SCG3: variants seen among roughly 807,000 people sequenced by gnomAD.
The protein encoded by SCG3 is secretogranin-3.
SCG3 carries 38 observed loss-of-function variants against 56.2 expected under a neutral mutation model. The observed-to-expected ratio is 0.68, with a 90% CI of 0.52 to 0.89. The LOEUF (loss-of-function observed/expected upper bound fraction) is 0.89. Ranked by LOEUF, SCG3 falls within the 40% of genes least tolerant of loss-of-function variation. The pLI is 0.00. For synonymous variants in SCG3, 176 were observed against 184.2 expected (o/e 0.96, Z 0.36); for missense variants, 524 against 540.7 (o/e 0.97, Z 0.31).
At chr15:51,704,766 T>TACAC (rs200437150) in intron 10 of SCG3, among the ~76,000 whole-genome samples, 1 of 99,936 alleles carries the variant, frequency 1.0e-5, no homozygotes, top group Non-Finnish European at 1.9e-5. Flanking sequence ...GAGTAATACA[T>TACAC]ATATATATAT....
At chr15:51,700,818 A>G (rs890196766) in intron 9 of SCG3, among the ~76,000 whole-genome samples, 2 of 151,704 alleles carry the variant, frequency 1.3e-5, no homozygotes, top group South Asian at 2.1e-4. Flanking sequence ...AGAATGGAAA[A>G]AATACCAAAT....
At chr15:51,709,448 A>T (rs1313805797) in intron 10 of SCG3, among the ~76,000 whole-genome samples, 3 of 151,990 alleles carry the variant, frequency 2.0e-5, no homozygotes, top group Non-Finnish European at 4.4e-5. Flanking sequence ...TTTCTTCATG[A>T]ATAAAATGGG....
intron 5 of SCG3, 114 bp downstream of exon 5, chr15:51,688,516 A>G (rs901113949): frequency 3.4e-6 from 3 of 871,064 alleles, no homozygotes; most frequent in Middle Eastern, 3.3e-4. Flanking sequence ...TCCTTCTACT[A>G]GGACCCGTAG....
rs531538758 is a variant in SCG3, at chr15:51,683,925, A to G, written c.397+491A>G. On this transcript the variant is annotated intron_variant, in intron 4 of 11. Transcript: ENST00000220478. ...CTAACATCCCATATCACTAGGCCAG[A>G]CTTCTCTTAGCTATAGACCTATTTA... Among the ~76,000 whole-genome samples the G allele has an allele frequency of 2.0e-5, 3 of 152,290 alleles. No individual in the cohort carries two copies. The South Asian group carries it at 6.2e-4, about 32-fold the overall frequency.
chr15:51,686,654 C>T (rs558781658), intron 4 of SCG3, among the ~76,000 whole-genome samples: 1 of 149,712 alleles, frequency 6.7e-6, no homozygotes, highest in South Asian at 2.1e-4. Context: ...TCCAAATTTT[C>T]AGCCAGCCAG....
Position 51,696,331 on chromosome 15 carries a change from C to G in SCG3, c.985+340C>G, listed in dbSNP as rs377446169. 6.4e-3 allele frequency among the ~76,000 whole-genome samples: 980 copies of G among 152,264 alleles called. 10 individuals carry two copies. The highest frequency in any genetic ancestry group is 0.02 in the Middle Eastern group (6 of 294). The stretch of plus-strand genomic sequence containing the variant: ...TTGGGAAGCTGAGGCAGGCAGATTG[C>G]CTGAGGCCAAGAGTTCGAGACCAGC... On this transcript the variant is annotated intron_variant, in intron 8 of 11. Coordinates refer to ENST00000220478, the MANE Select transcript of SCG3 (RefSeq NM_013243.4).
intron 11 of SCG3, among the ~76,000 whole-genome samples, chr15:51,717,977 G>C (rs993081231): frequency 1.3e-5 from 2 of 152,202 alleles, no homozygotes; most frequent in East Asian, 1.9e-4. Context: ...TGGATCAAGG[G>C]TGTTATGACC....
intron 7 of SCG3, among the ~76,000 whole-genome samples, chr15:51,692,823 TCTAA>T (rs1200059899): frequency 2.6e-5 from 4 of 152,252 alleles, no homozygotes; most frequent in Admixed American, 6.5e-5. Flanking sequence ...TCACAATGAA[TCTAA>T]CTAGTGTATC....
chr15:51,685,200 T>C (rs74436198), intron 4 of SCG3, among the ~76,000 whole-genome samples: 1 of 152,288 alleles, frequency 6.6e-6, no homozygotes, highest in Non-Finnish European at 1.5e-5. Context: ...ATTTACTTTT[T>C]AAAATCTTGA....
At chr15:51,707,739 T>C (rs1411183917) in intron 10 of SCG3, among the ~76,000 whole-genome samples, 2 of 152,222 alleles carry the variant, frequency 1.3e-5, no homozygotes, top group African/African-American at 4.8e-5. Context: ...ATGTAAAATG[T>C]CATCATTATG....
At position 51,699,389 on chromosome 15, in the gene SCG3, C is replaced by T. The variant is rs376589029; in HGVS notation, c.1056C>T (p.Ser352=). 1 of 1,601,940 alleles carries T rather than the reference C, an allele frequency of 6.2e-7. No homozygotes were observed. Among genetic ancestry groups the T allele is most frequent in the East Asian group, 2.2e-5 (1 of 44,546 alleles). Residue 352 remains serine, a synonymous_variant, in exon 9 of 12, where the codon AGC becomes AGT. Coordinates refer to ENST00000220478, the MANE Select transcript of SCG3 (RefSeq NM_013243.4). The stretch of plus-strand genomic sequence containing the variant: ...AAAAAAATGCTACTGACAATATAAG[C>T]AAGCTTTTCCCAGGTATGATTATTT... The part of the protein sequence containing the change: ...KLEKNATDNI[S]KLFPAPSEKS...
chr15:51,706,774 T>C lies in SCG3; in HGVS notation c.1207+5530T>C, dbSNP rs112390572. Among the ~76,000 whole-genome samples the C allele has an allele frequency of 1.1e-3, 175 of 152,186 alleles. 1 individual carries two copies. The highest frequency in any genetic ancestry group is 3.9e-3 in the African/African-American group (160 of 41,550). On this transcript the variant is annotated intron_variant, in intron 10 of 11. Coordinates refer to ENST00000220478, the MANE Select transcript of SCG3 (RefSeq NM_013243.4). ...TATGAATCTCATTTCAAGCTTAATG[T>C]AAAAAACAGCCAACTTCATTACCAA...
At chr15:51,706,583 T>G (rs758023211) in intron 10 of SCG3, among the ~76,000 whole-genome samples, 21 of 152,154 alleles carry the variant, frequency 1.4e-4, no homozygotes, top group Non-Finnish European at 2.2e-4. Flanking sequence ...GGAGTCTGTT[T>G]TGGCCTTGCG....
In SCG3 at chr15:51,683,076, C is replaced by T. The variant is rs1338599674; in HGVS notation, c.136-3C>T. The T allele has an allele frequency of 6.2e-7, 1 of 1,608,090 alleles. No individual in the cohort carries two copies. Among genetic ancestry groups the T allele is most frequent in the African/African-American group, 1.3e-5 (1 of 74,416 alleles). Reference sequence around the variant, plus strand: ...CCAAGTCTATCTCCTGTTTGCTTCACAGATTGCTGAAGCAGAAGAAGACAA... The same window carrying T: ...CCAAGTCTATCTCCTGTTTGCTTCATAGATTGCTGAAGCAGAAGAAGACAA... On this transcript the variant is annotated splice_region_variant and splice_polypyrimidine_tract_variant and intron_variant, in intron 2 of 11. Transcript: ENST00000220478.
chr15:51,691,808 C>CA (rs2055268594), intron 6 of SCG3, among the ~76,000 whole-genome samples: 1 of 152,140 alleles, frequency 6.6e-6, no homozygotes, highest in South Asian at 2.1e-4. Flanking sequence ...TCTGTGAACT[C>CA]AAAGCTTCCC....
In SCG3 at chr15:51,682,383, T is replaced by C. The variant is rs1471234012; in HGVS notation, c.83-134T>C. 5.8e-6 allele frequency: 3 copies of C among 519,074 alleles called. No individual in the cohort carries two copies. In the African/African-American group the frequency reaches 6.1e-5, roughly 11 times the overall value. 32.2% of individuals were successfully genotyped at this position (519,074 alleles called of 1,614,324 possible). ...GTATAATCTTGATAATCTTTGTTAA[T>C]ATGCATTTGTTTCATAGTCATCCAA... On this transcript the variant is annotated intron_variant, in intron 1 of 11. Coordinates refer to ENST00000220478, the MANE Select transcript of SCG3 (RefSeq NM_013243.4).
intron 10 of SCG3, among the ~76,000 whole-genome samples, chr15:51,709,680 TATATATATATATATATATA>T (rs2055400536): frequency 7.8e-5 from 1 of 12,772 alleles, no homozygotes; most frequent in Non-Finnish European, 2.0e-4. Flanking sequence ...TATATATATA[TATATATATATATATATATA>T]TATTTTTTTT....
chr15:51,713,494 A>G (rs1044109118), intron 11 of SCG3, 81 bp downstream of exon 11: 2 of 936,246 alleles, frequency 2.1e-6, no homozygotes, highest in Admixed American at 2.6e-5. Context: ...CCACAGTCAA[A>G]TTGACTGTGC....
intron 4 of SCG3, among the ~76,000 whole-genome samples, chr15:51,686,190 T>C (rs2055227541): frequency 6.6e-6 from 1 of 152,182 alleles, no homozygotes; most frequent in Non-Finnish European, 1.5e-5. Flanking sequence ...AAATACCCCT[T>C]CATGAGCAGG....
Sources: allele counts gnomAD v4.1 joint callset (sites outside exome capture counted in the v4.1 genomes callset), GRCh38; gene constraint gnomAD v4.1.1; transcripts MANE v1.5; gene names NCBI Gene and HGNC (gene_info 2026-07-23, HGNC 2026-07-21).